Variants in EDA observed in about 807,000 individuals in gnomAD.
The protein encoded by EDA is ectodysplasin A.
In EDA, 2 loss-of-function variants were observed where a neutral mutation model predicts 23.6. The ratio of observed to expected loss-of-function variants is 0.08; its 90% confidence interval spans 0.03 to 0.27. The LOEUF (loss-of-function observed/expected upper bound fraction) is 0.27, where lower values mean the gene tolerates loss of function less well. Among genes scored for constraint, EDA ranks in the 10% least tolerant of loss-of-function variants. EDA has a pLI of 1.00. For synonymous variants in EDA, 131 were observed against 132.0 expected, an observed-to-expected ratio of 0.99 and a Z score of 0.05; for missense variants, 229 against 324.2, an observed-to-expected ratio of 0.71 and a Z score of 2.26.
At position 69,908,817 on chromosome X, in the gene EDA, A is replaced by G. The variant is rs1364708418; in HGVS notation, c.397-48210A>G. Among the ~76,000 whole-genome samples the G allele has an allele frequency of 1.8e-4, 20 of 109,529 alleles. No homozygotes were observed. The Admixed American group carries it at 2.0e-3, about 11-fold the overall frequency. Reference sequence around the variant, plus strand: ...GAAGATTTTGGCTTAGTTTAGGACAATTTTCTAACATTTTTTTCTGTTTAA... The same window carrying G: ...GAAGATTTTGGCTTAGTTTAGGACAGTTTTCTAACATTTTTTTCTGTTTAA... On this transcript the variant is annotated intron_variant, in intron 1 of 7. Coordinates refer to ENST00000374552, the MANE Select transcript of EDA (RefSeq NM_001399.5).
chrX:69,717,611 C>A (rs1242875244), intron 1 of EDA, among the ~76,000 whole-genome samples: 1 of 108,651 alleles, frequency 9.2e-6, no homozygotes, highest in Non-Finnish European at 1.9e-5. Flanking sequence ...GCTCTGCCTC[C>A]CAGGTTCACA....
intron 1 of EDA, among the ~76,000 whole-genome samples, chrX:69,794,993 T>G (rs929630468): frequency 2.9e-4 from 33 of 111,921 alleles, no homozygotes; most frequent in African/African-American, 1.0e-3. Context: ...TTCTATAGCA[T>G]GATGTACAAT....
At position 69,616,396 on chromosome X, in the gene EDA, G is replaced by T. The variant is rs1176550470; in HGVS notation, c.88G>T (p.Ala30Ser). 8.3e-7 allele frequency: 1 copy of T among 1,204,957 alleles called. No individual in the cohort carries two copies. The highest frequency in any genetic ancestry group is 1.1e-6 in the Non-Finnish European group (1 of 893,925). ...GAGCCAGGGCTGCGGGTGTGGCGGG[G>T]CCCCTGCCCGGGCGGGCGAAGGGAA... Reference protein sequence around the residue: ...RGSQGCGCGGAPARAGEGNSC... With the variant: ...RGSQGCGCGGSPARAGEGNSC... The change falls in exon 1 of 8, where the codon GCC becomes TCC. Residue 30 changes from alanine (A) to serine (S), a missense_variant. Ala to Ser is a moderately conservative substitution (Grantham distance 99). Around this residue, in one of 2 missense-constraint regions of EDA, gnomAD observed 54 missense variants for 42.4 expected, o/e 1.27. Transcript: ENST00000374552.
chrX:69,771,175 GC>G (rs35581546), intron 1 of EDA, among the ~76,000 whole-genome samples: 34,187 of 108,716 alleles, frequency 0.31, 4,872 homozygotes, highest in Middle Eastern at 0.55. Context: ...TCCTGCCTCA[GC>G]CCCCCCAAGT....
At chrX:69,756,456 C>T (rs1458654182) in intron 1 of EDA, among the ~76,000 whole-genome samples, 1 of 111,644 alleles carries the variant, frequency 9.0e-6, no homozygotes, top group Admixed American at 9.5e-5. Flanking sequence ...TTATCTTATT[C>T]CTTCTGTGGA....
chrX:69,715,838 T>G (rs900431438), intron 1 of EDA, among the ~76,000 whole-genome samples: 4 of 111,763 alleles, frequency 3.6e-5, no homozygotes, highest in African/African-American at 1.3e-4. Flanking sequence ...ATCAGTGATA[T>G]TGAGTTTTTT....
At chrX:70,025,886 T>C (rs2020099767) in intron 3 of EDA, among the ~76,000 whole-genome samples, 1 of 111,925 alleles carries the variant, frequency 8.9e-6, no homozygotes, top group African/African-American at 3.2e-5. Context: ...CCTTCCTTTC[T>C]GAGGAAGAGA....
chrX:70,030,833 T>C (rs978835036), intron 6 of EDA, among the ~76,000 whole-genome samples: 4 of 112,594 alleles, frequency 3.6e-5, no homozygotes, highest in Non-Finnish European at 5.6e-5. Context: ...TGTAGTTAGA[T>C]TAATATTTTC....
intron 2 of EDA, among the ~76,000 whole-genome samples, chrX:69,982,484 CT>C (rs1471847915): frequency 9.0e-6 from 1 of 111,549 alleles, no homozygotes; most frequent in Non-Finnish European, 1.9e-5. Context: ...CATAAACCTA[CT>C]AAATCTCCAT....
intron 1 of EDA, among the ~76,000 whole-genome samples, chrX:69,705,580 C>G (rs2011687427): frequency 8.9e-6 from 1 of 112,244 alleles, no homozygotes; most frequent in South Asian, 3.7e-4. Flanking sequence ...TTGCCCTAAG[C>G]AATTTTTAGT....
intron 1 of EDA, among the ~76,000 whole-genome samples, chrX:69,847,309 A>G (rs1417684633): frequency 9.0e-6 from 1 of 111,685 alleles, no homozygotes; most frequent in Non-Finnish European, 1.9e-5. Flanking sequence ...ACTTTTTTAA[A>G]TGTAGTAAAT....
Position 69,777,207 on chromosome X carries a change from A to G in EDA, c.396+160503A>G, listed in dbSNP as rs769524012. ...GACAGGTTTTAGAAACTTTCCCAAT[A>G]TGGAGGTTAAACATGCTGGTTTGTG... On this transcript the variant is annotated intron_variant, in intron 1 of 7. Transcript: ENST00000374552. 2.7e-5 allele frequency among the ~76,000 whole-genome samples: 3 copies of G among 109,585 alleles called. No homozygotes were observed. In the East Asian group the frequency reaches 8.6e-4, roughly 31 times the overall value.
At chrX:69,690,213 C>T (rs1252512332) in intron 1 of EDA, among the ~76,000 whole-genome samples, 1 of 111,541 alleles carries the variant, frequency 9.0e-6, no homozygotes, top group Non-Finnish European at 1.9e-5. Context: ...GTGGTAAGAG[C>T]AGACATCCTT....
At chrX:69,841,705 C>A in intron 1 of EDA, among the ~76,000 whole-genome samples, 1 of 111,610 alleles carries the variant, frequency 9.0e-6, no homozygotes, top group Non-Finnish European at 1.9e-5. Context: ...CCATTGAGAG[C>A]TGAATAAATA....
chrX:69,746,237 T>C (rs1413541164), intron 1 of EDA, among the ~76,000 whole-genome samples: 1 of 111,532 alleles, frequency 9.0e-6, no homozygotes, highest in Non-Finnish European at 1.9e-5. Context: ...CTAAGCAATA[T>C]CATGTTTGCC....
At chrX:69,947,760 G>A (rs1348879102) in intron 1 of EDA, among the ~76,000 whole-genome samples, 1 of 111,812 alleles carries the variant, frequency 8.9e-6, no homozygotes, top group African/African-American at 3.3e-5. Context: ...TGATATCTGT[G>A]GTGGGTGTAA....
At chrX:69,626,451 A>G (rs1327637455) in intron 1 of EDA, among the ~76,000 whole-genome samples, 1 of 112,278 alleles carries the variant, frequency 8.9e-6, no homozygotes, top group Non-Finnish European at 1.9e-5. Context: ...ATACAATGCA[A>G]TATTTTTCAG....
chrX:69,918,071 A>C (rs1385031879), intron 1 of EDA, among the ~76,000 whole-genome samples: 1 of 110,904 alleles, frequency 9.0e-6, no homozygotes, highest in African/African-American at 3.3e-5. Flanking sequence ...ATTATGCCTA[A>C]ACTGAATTTA....
At chrX:69,957,229 C>T (rs941586204) in intron 2 of EDA, 97 bp downstream of exon 2, 19 of 853,674 alleles carry the variant, frequency 2.2e-5, no homozygotes, top group South Asian at 8.6e-5. Flanking sequence ...TGGTGGCTCA[C>T]GCCTGTAATC....
Sources: gnomAD v4.1 joint callset for allele counts (sites outside exome capture counted in the v4.1 genomes callset) on GRCh38, gnomAD v4.1.1 for gene constraint, gnomAD v4.1.1 regional missense constraint, MANE v1.5 for transcripts, NCBI Gene and HGNC (gene_info 2026-07-23, HGNC 2026-07-21) for gene names.